DENND1B: variants seen among roughly 807,000 people sequenced by gnomAD.
DENND1B encodes the protein DENN domain-containing protein 1B.
Under a neutral mutation model 90.1 loss-of-function variants are expected in DENND1B, and 59 were observed. The observed-to-expected ratio is 0.65, with a 90% CI of 0.53 to 0.81. DENND1B has a LOEUF of 0.81. Among genes scored for constraint, DENND1B ranks in the 40% least tolerant of loss-of-function variants. The pLI, the probability that DENND1B is intolerant of heterozygous loss-of-function variation, is 0.00. For synonymous variants in DENND1B, 337 were observed against 324.6 expected (o/e 1.04, Z -0.41); for missense variants, 862 against 912.6 (o/e 0.94, Z 0.71).
At chr1:197,594,290 A>G (rs756736273) in intron 14 of DENND1B, among the ~76,000 whole-genome samples, 28 of 152,134 alleles carry the variant, frequency 1.8e-4, no homozygotes, top group Non-Finnish European at 4.0e-4. Flanking sequence ...GATACAACCC[A>G]TTCACATTTG....
At chr1:197,638,220 G>A (rs567754288) in intron 10 of DENND1B, among the ~76,000 whole-genome samples, 78 of 152,328 alleles carry the variant, frequency 5.1e-4, no homozygotes, top group African/African-American at 1.6e-3. Flanking sequence ...CGTAATTCCA[G>A]TACTCATAAC....
rs1572311620 is a variant in DENND1B at position 197,682,742 on chromosome 1, C to T, written c.127-8573G>A. Among the ~76,000 whole-genome samples, 4 of 152,066 alleles carry T rather than the reference C, an allele frequency of 2.6e-5. No homozygotes were observed. The South Asian group carries it at 8.3e-4, about 32-fold the overall frequency. ...GCGGTGGAGGGGAAGTAGGGGTGGT[C>T]CTTCCATCACAGGAAAACATATGTG... On this transcript the variant is annotated intron_variant, in intron 3 of 22. Coordinates refer to ENST00000620048, the MANE Select transcript of DENND1B (RefSeq NM_001195215.2).
chr1:197,599,713 C>A (rs1408238137), intron 13 of DENND1B, among the ~76,000 whole-genome samples: 2 of 151,792 alleles, frequency 1.3e-5, no homozygotes, highest in African/African-American at 4.8e-5. Flanking sequence ...AATTTTCTAA[C>A]AAGTCTCTAT....
chr1:197,716,374 G>T (rs1033687674), intron 2 of DENND1B, among the ~76,000 whole-genome samples: 1 of 151,136 alleles, frequency 6.6e-6, no homozygotes, highest in African/African-American at 2.4e-5. Flanking sequence ...TCTTATATAA[G>T]AATAATACAT....
intron 19 of DENND1B, 74 bp downstream of exon 19, chr1:197,540,885 T>C (rs773454016): frequency 2.2e-6 from 3 of 1,387,866 alleles, no homozygotes; most frequent in Non-Finnish European, 3.0e-6. Flanking sequence ...AAACACAAAT[T>C]TCTAATTTGG....
At chr1:197,602,763 A>G (rs1342327602) in intron 13 of DENND1B, among the ~76,000 whole-genome samples, 2 of 151,394 alleles carry the variant, frequency 1.3e-5, no homozygotes, top group Non-Finnish European at 3.0e-5. Context: ...TCCCTGAAAA[A>G]ACTAATTCTC....
At chr1:197,559,309 A>T (rs1671966984) in intron 15 of DENND1B, among the ~76,000 whole-genome samples, 1 of 151,948 alleles carries the variant, frequency 6.6e-6, no homozygotes, top group African/African-American at 2.4e-5. Context: ...AAATCCTTAT[A>T]AAAAAGATTC....
At chr1:197,726,420 A>T (rs1345851246) in intron 2 of DENND1B, among the ~76,000 whole-genome samples, 1 of 152,186 alleles carries the variant, frequency 6.6e-6, no homozygotes, top group Non-Finnish European at 1.5e-5. Flanking sequence ...GACTAGCAAC[A>T]TCATTATGAA....
At chr1:197,738,778 A>G (rs1662947956) in intron 2 of DENND1B, among the ~76,000 whole-genome samples, 1 of 152,246 alleles carries the variant, frequency 6.6e-6, no homozygotes, top group Non-Finnish European at 1.5e-5. Flanking sequence ...AAAAAAATAC[A>G]TTAAACAATT....
intron 2 of DENND1B, among the ~76,000 whole-genome samples, chr1:197,725,582 A>G (rs1176108381): frequency 6.6e-6 from 1 of 152,134 alleles, no homozygotes; most frequent in Non-Finnish European, 1.5e-5. Flanking sequence ...GAAAATGATT[A>G]TACCATTATT....
intron 13 of DENND1B, chr1:197,605,820 A>C (rs1676626492): frequency 6.6e-6 from 1 of 151,184 alleles, no homozygotes; most frequent in African/African-American, 2.4e-5. Context: ...CAAGGTCAGC[A>C]AGTATTTTAC....
intron 3 of DENND1B, among the ~76,000 whole-genome samples, chr1:197,681,766 C>A (rs1439307755): frequency 6.6e-6 from 1 of 152,008 alleles, no homozygotes; most frequent in Non-Finnish European, 1.5e-5. Context: ...TTGTAGACAC[C>A]AAACCACCAC....
intron 13 of DENND1B, among the ~76,000 whole-genome samples, chr1:197,604,041 T>C (rs535758829): frequency 1.3e-5 from 2 of 151,374 alleles, no homozygotes; most frequent in African/African-American, 4.8e-5. Context: ...CTACAGATGT[T>C]TGAAGGTGTC....
At chr1:197,544,859 GA>G in intron 18 of DENND1B, among the ~76,000 whole-genome samples, 1 of 148,488 alleles carries the variant, frequency 6.7e-6, no homozygotes, top group Middle Eastern at 3.4e-3. Context: ...GGAAGAAGAG[GA>G]AGGAGGAGAA....
chr1:197,609,594 A>C (rs77648278), intron 12 of DENND1B, among the ~76,000 whole-genome samples: 8 of 150,742 alleles, frequency 5.3e-5, no homozygotes, highest in Admixed American at 1.3e-4. Context: ...ATTTCATTAA[A>C]ACAACTGAAA....
chr1:197,666,214 T>C (rs1208475046), intron 5 of DENND1B, among the ~76,000 whole-genome samples: 4 of 152,214 alleles, frequency 2.6e-5, no homozygotes, highest in African/African-American at 9.6e-5. Flanking sequence ...TGTGTAAACA[T>C]TCTAGGCACT....
intron 3 of DENND1B, among the ~76,000 whole-genome samples, chr1:197,676,031 T>G (rs2125990460): frequency 7.9e-6 from 1 of 127,198 alleles, no homozygotes; most frequent in East Asian, 2.4e-4. Flanking sequence ...CCGCACTCTT[T>G]AAAATTCAAC....
intron 11 of DENND1B, among the ~76,000 whole-genome samples, chr1:197,612,280 T>C (rs1677250652): frequency 6.6e-6 from 1 of 150,608 alleles, no homozygotes; most frequent in African/African-American, 2.4e-5. Flanking sequence ...AATATCCAGG[T>C]CTAGGCCATA....
chr1:197,724,500 T>A (rs962104583), intron 2 of DENND1B, among the ~76,000 whole-genome samples: 2 of 152,120 alleles, frequency 1.3e-5, no homozygotes, highest in African/African-American at 4.8e-5. Flanking sequence ...AGATGGCACC[T>A]CAGGCACATG....
Sources: gnomAD v4.1 joint callset for allele counts (sites outside exome capture counted in the v4.1 genomes callset) on GRCh38, gnomAD v4.1.1 for gene constraint, MANE v1.5 for transcripts, NCBI Gene and HGNC (gene_info 2026-07-23, HGNC 2026-07-21) for gene names.